Variants in KLF12 observed in about 807,000 individuals in gnomAD.
KLF12 encodes Krueppel-like factor 12.
A neutral mutation model predicts 37.8 loss-of-function variants in KLF12; 9 were observed. The observed-to-expected ratio is 0.24, with a 90% CI of 0.14 to 0.42. The LOEUF (loss-of-function observed/expected upper bound fraction) is 0.42. KLF12 is among the 10% of genes least tolerant of loss of function. The pLI is 1.00. For synonymous variants in KLF12, 208 were observed against 202.1 expected (o/e 1.03, Z -0.25); for missense variants, 411 against 516.0 (o/e 0.80, Z 1.97).
chr13:74,250,090 T>C, the KLF12 span, among the ~76,000 whole-genome samples: 1 of 152,198 alleles, frequency 6.6e-6, no homozygotes, highest in African/African-American at 2.4e-5. Flanking sequence ...GGAGTCATTA[T>C]GTCAAGACAC....
At chr13:73,870,365 T>A (rs1025044278) in intron 3 of KLF12, among the ~76,000 whole-genome samples, 2 of 152,240 alleles carry the variant, frequency 1.3e-5, no homozygotes, top group African/African-American at 2.4e-5. Flanking sequence ...ATGTACACAG[T>A]ATCTAACTGA....
intron 5 of KLF12, among the ~76,000 whole-genome samples, chr13:73,774,304 C>CTATA (rs1250631346): frequency 5.1e-5 from 7 of 138,376 alleles, no homozygotes; most frequent in African/African-American, 1.6e-4. Flanking sequence ...ACACACACAT[C>CTATA]TATATATATA....
chr13:73,881,719 T>C (rs577582362), intron 3 of KLF12, among the ~76,000 whole-genome samples: 1 of 152,200 alleles, frequency 6.6e-6, no homozygotes, highest in Non-Finnish European at 1.5e-5. Context: ...GTACCCGCTG[T>C]ATGCAAAGCC....
intron 6 of KLF12, among the ~76,000 whole-genome samples, chr13:73,738,603 C>T (rs1877707457): frequency 6.6e-6 from 1 of 152,098 alleles, no homozygotes; most frequent in South Asian, 2.1e-4. Context: ...CAACAAAAGT[C>T]AGGCAAAACC....
chr13:73,955,664 T>C (rs1890809195), intron 2 of KLF12, among the ~76,000 whole-genome samples: 1 of 152,222 alleles, frequency 6.6e-6, no homozygotes, highest in African/African-American at 2.4e-5. Flanking sequence ...TATGTGATTA[T>C]CCAGAAATAT....
At chr13:73,970,845 AT>A (rs1261496127) in intron 2 of KLF12, among the ~76,000 whole-genome samples, 1 of 152,136 alleles carries the variant, frequency 6.6e-6, no homozygotes, top group African/African-American at 2.4e-5. Flanking sequence ...TTTGGAAAGC[AT>A]TTTTCAGTGC....
chr13:74,120,361 C>T (rs1396410730), intron 1 of KLF12, among the ~76,000 whole-genome samples: 1 of 152,064 alleles, frequency 6.6e-6, no homozygotes, highest in Non-Finnish European at 1.5e-5. Flanking sequence ...AGGCGCCTAT[C>T]AGGAGCTACT....
At position 73,772,255 on chromosome 13, in the gene KLF12, A is replaced by G. The variant is rs547186092; in HGVS notation, c.807-7255T>C. On this transcript the variant is annotated intron_variant, in intron 5 of 7. Transcript: ENST00000377669. ...GTGCCAGGCACTGTTCTAAGTTCTT[A>G]AGTGTGTTCCAGGCTCCTATGTGCT... is the stretch of plus-strand genomic sequence containing the variant. 1.2e-3 allele frequency among the ~76,000 whole-genome samples: 183 copies of G among 152,322 alleles called. 6 individuals carry two copies. The South Asian group carries it at 0.037, about 31-fold the overall frequency.
chr13:73,799,050 G>A (rs1254545353), intron 5 of KLF12, among the ~76,000 whole-genome samples: 1 of 152,120 alleles, frequency 6.6e-6, no homozygotes, highest in East Asian at 1.9e-4. Context: ...AGAAAACGTG[G>A]CACATATACC....
chr13:74,234,399 T>G, the KLF12 span, among the ~76,000 whole-genome samples: 8 of 152,328 alleles, frequency 5.3e-5, no homozygotes, highest in African/African-American at 1.4e-4. Context: ...TGGCTTAATT[T>G]TTTTCTGAAC....
chr13:73,935,058 C>T (rs1243512480), intron 3 of KLF12, among the ~76,000 whole-genome samples: 1 of 151,926 alleles, frequency 6.6e-6, no homozygotes, highest in Non-Finnish European at 1.5e-5. Flanking sequence ...CAACTTATTG[C>T]ACCCTCCACC....
intron 2 of KLF12, among the ~76,000 whole-genome samples, chr13:73,971,178 A>C (rs566432216): frequency 6.6e-6 from 1 of 152,352 alleles, no homozygotes; most frequent in African/African-American, 2.4e-5. Flanking sequence ...CAATCAAACA[A>C]GGAGTCAAGA....
At chr13:74,033,098 T>A (rs999476045) in intron 1 of KLF12, among the ~76,000 whole-genome samples, 1 of 152,182 alleles carries the variant, frequency 6.6e-6, no homozygotes, top group Admixed American at 6.5e-5. Flanking sequence ...ATGTACTGTA[T>A]ACAAATTAAA....
upstream of KLF12, among the ~76,000 whole-genome samples, chr13:74,135,449 G>A (rs1399225514): frequency 4.0e-5 from 6 of 151,800 alleles, no homozygotes; most frequent in Admixed American, 3.9e-4. Flanking sequence ...TCCGCGCCCC[G>A]GGGAGCGGAT....
At position 73,992,629 on chromosome 13, in the gene KLF12, A is replaced by G. The variant is rs544712541; in HGVS notation, c.33+2361T>C. On this transcript the variant is annotated intron_variant, in intron 2 of 7. Coordinates refer to ENST00000377669, the MANE Select transcript of KLF12 (RefSeq NM_007249.5). The stretch of plus-strand genomic sequence containing the variant: ...ATGATATTCTGTGGCTCTTGGCAGG[A>G]TTTTGTCACCACTGGCAAACTGGAA... 1.3e-3 allele frequency among the ~76,000 whole-genome samples: 199 copies of G among 152,270 alleles called. 1 individual carries two copies. The highest frequency in any genetic ancestry group is 4.3e-3 in the African/African-American group (178 of 41,552).
At chr13:74,273,325 C>G in the KLF12 span, among the ~76,000 whole-genome samples, 2 of 152,040 alleles carry the variant, frequency 1.3e-5, no homozygotes, top group African/African-American at 2.4e-5. Context: ...TCCATATAAG[C>G]AATTTATATT....
intron 3 of KLF12, among the ~76,000 whole-genome samples, chr13:73,880,099 C>G (rs1021628398): frequency 2.6e-5 from 4 of 152,134 alleles, no homozygotes; most frequent in African/African-American, 9.7e-5. Context: ...TCAGCTCAAG[C>G]CACCTCTAAT....
chr13:73,787,060 T>C (rs563341845), intron 5 of KLF12, among the ~76,000 whole-genome samples: 1 of 152,346 alleles, frequency 6.6e-6, no homozygotes, highest in African/African-American at 2.4e-5. Context: ...CATGGTATTG[T>C]TAGAGTACAT....
intron 1 of KLF12, among the ~76,000 whole-genome samples, chr13:74,067,517 T>C (rs189324082): frequency 4.3e-4 from 66 of 152,282 alleles, no homozygotes; most frequent in Admixed American, 7.8e-4. Flanking sequence ...CTAATCACTA[T>C]ATAGAAGGAT....
Sources: gnomAD v4.1 joint callset for allele counts (sites outside exome capture counted in the v4.1 genomes callset) on GRCh38, gnomAD v4.1.1 for gene constraint, MANE v1.5 for transcripts, NCBI Gene and HGNC (gene_info 2026-07-23, HGNC 2026-07-21) for gene names.